Variants in PRIMA1 observed in about 807,000 individuals in gnomAD.
The protein encoded by PRIMA1 is proline-rich membrane anchor 1.
Under a neutral mutation model 17.5 loss-of-function variants are expected in PRIMA1, and 7 were observed. The observed-to-expected ratio is 0.40, with a 90% CI of 0.23 to 0.75. The LOEUF (loss-of-function observed/expected upper bound fraction) is 0.75, where lower values mean the gene tolerates loss of function less well. Ranked by LOEUF, PRIMA1 falls within the 30% of genes least tolerant of loss-of-function variation. The pLI, the probability that PRIMA1 is intolerant of heterozygous loss-of-function variation, is 0.37. For missense variants in PRIMA1, 200 were observed against 201.8 expected (o/e 0.99, Z 0.05); for synonymous variants, 97 against 77.9 (o/e 1.25, Z -1.29).
At chr14:93,763,804 C>T (rs992854325) in intron 3 of PRIMA1, among the ~76,000 whole-genome samples, 1 of 152,088 alleles carries the variant, frequency 6.6e-6, no homozygotes, top group African/African-American at 2.4e-5. Context: ...TCCCGCCCCA[C>T]GCTCTCCCCA....
At chr14:93,785,767 A>G (rs193162859) in intron 2 of PRIMA1, among the ~76,000 whole-genome samples, 49 of 152,252 alleles carry the variant, frequency 3.2e-4, no homozygotes, top group Non-Finnish European at 5.0e-4. Context: ...CCTCAAGCCA[A>G]GATTTTACCC....
Position 93,787,721 on chromosome 14 carries a change from CG to C in PRIMA1, c.-4del. ...AGCACCAAGTCCCGGAGGAGCATCTCGGCCAGCGGCGCCCGCTCCTGGGGCG... is the reference window on the plus strand; with the variant it reads ...AGCACCAAGTCCCGGAGGAGCATCTCGCCAGCGGCGCCCGCTCCTGGGGCG... On this transcript the variant is annotated 5_prime_UTR_variant, in exon 2 of 5. Transcript: ENST00000393140. The C allele has an allele frequency of 1.3e-6, 2 of 1,542,696 alleles. No homozygotes were observed. The highest frequency in any genetic ancestry group is 1.7e-6 in the Non-Finnish European group (2 of 1,146,460).
chr14:93,762,015 T>C (rs891496887), intron 3 of PRIMA1, among the ~76,000 whole-genome samples: 5 of 152,228 alleles, frequency 3.3e-5, no homozygotes, highest in African/African-American at 1.2e-4. Flanking sequence ...ACTCTGACTG[T>C]TGTTCTGTAT....
intron 2 of PRIMA1, among the ~76,000 whole-genome samples, chr14:93,783,393 A>G (rs1885437295): frequency 6.6e-6 from 1 of 152,230 alleles, no homozygotes; most frequent in Non-Finnish European, 1.5e-5. Flanking sequence ...CAGTGGGGAA[A>G]CACAGGATCT....
At chr14:93,781,766 G>A (rs568437981) in intron 2 of PRIMA1, among the ~76,000 whole-genome samples, 8 of 151,342 alleles carry the variant, frequency 5.3e-5, no homozygotes, top group African/African-American at 1.9e-4. Flanking sequence ...CCTGAGGTCA[G>A]GAGTTCGAGA....
At chr14:93,785,176 C>T (rs1885487759) in intron 2 of PRIMA1, among the ~76,000 whole-genome samples, 1 of 119,924 alleles carries the variant, frequency 8.3e-6, no homozygotes, top group African/African-American at 3.2e-5. Context: ...AGCCTGTCAT[C>T]CTCTTCTCTT....
At chr14:93,738,152 G>A (rs1246539103) in intron 3 of PRIMA1, among the ~76,000 whole-genome samples, 2 of 152,182 alleles carry the variant, frequency 1.3e-5, no homozygotes, top group Admixed American at 6.5e-5. Context: ...ACAAGGCACC[G>A]GACACTGGTG....
rs943296413 is a variant in PRIMA1 at position 93,720,786 on chromosome 14, G to A, written c.*658C>T. 2.0e-5 allele frequency: 3 copies of A among 152,458 alleles called. No homozygotes were observed. Among genetic ancestry groups the A allele is most frequent in the African/African-American group, 7.2e-5 (3 of 41,464 alleles). 9.4% of individuals were successfully genotyped at this position (152,458 alleles called of 1,614,324 possible). A position where few individuals can be genotyped will look rare whatever the true frequency, so the allele number is the denominator to read the frequency against. ...TAAACGCACTCCTGTGTCTGCTCAG[G>A]AGGGGATTCTGCAGGCTGGACTCAC... On this transcript the variant is annotated 3_prime_UTR_variant, in exon 5 of 5. Coordinates refer to ENST00000393140, the MANE Select transcript of PRIMA1 (RefSeq NM_178013.4).
At chr14:93,723,607 C>T (rs1032981949) in intron 4 of PRIMA1, among the ~76,000 whole-genome samples, 2 of 152,180 alleles carry the variant, frequency 1.3e-5, no homozygotes, top group African/African-American at 2.4e-5. Context: ...TGGTCAAGCC[C>T]AGCCACCGTG....
chr14:93,771,053 C>A (rs1885044128), intron 3 of PRIMA1, among the ~76,000 whole-genome samples: 2 of 28,940 alleles, frequency 6.9e-5, no homozygotes, highest in Non-Finnish European at 3.3e-4. Flanking sequence ...AAAGTGAGTG[C>A]ATGTATGTGT....
chr14:93,723,106 C>G (rs1046895456), intron 4 of PRIMA1, among the ~76,000 whole-genome samples: 2 of 152,062 alleles, frequency 1.3e-5, no homozygotes, highest in Non-Finnish European at 2.9e-5. Flanking sequence ...GCTCTGGCCC[C>G]CAGCCTGAGT....
chr14:93,768,814 T>TC (rs1403045458), intron 3 of PRIMA1, among the ~76,000 whole-genome samples: 6 of 150,660 alleles, frequency 4.0e-5, no homozygotes, highest in African/African-American at 2.4e-5. Flanking sequence ...TTTTTCTTTT[T>TC]TTTTTTTTTG....
chr14:93,752,421 G>A (rs1053274574), intron 3 of PRIMA1, among the ~76,000 whole-genome samples: 3 of 152,052 alleles, frequency 2.0e-5, no homozygotes, highest in African/African-American at 7.2e-5. Context: ...CCAACCCCAC[G>A]CGGGGCCCCT....
chr14:93,787,881 G>A (rs1885572162), intron 1 of PRIMA1, 132 bp from the exon 2 acceptor site: 1 of 983,638 alleles, frequency 1.0e-6, no homozygotes, highest in South Asian at 1.7e-5. Flanking sequence ...AACCAAGCCT[G>A]CACTTACACT....
intron 4 of PRIMA1, among the ~76,000 whole-genome samples, chr14:93,723,161 T>C (rs537240630): frequency 1.9e-4 from 29 of 152,106 alleles, no homozygotes; most frequent in Non-Finnish European, 3.7e-4. Context: ...TGTAGCCCAA[T>C]TCCATGCCAC....
At chr14:93,787,481 G>A in intron 2 of PRIMA1, 145 bp downstream of exon 2, 1 of 1,156,650 alleles carries the variant, frequency 8.6e-7, no homozygotes, top group South Asian at 1.4e-5. Context: ...GGGTATAGGG[G>A]ACCGTAGCAG....
chr14:93,747,575 T>C (rs1220526474), intron 3 of PRIMA1, among the ~76,000 whole-genome samples: 1 of 150,246 alleles, frequency 6.7e-6, no homozygotes, highest in Non-Finnish European at 1.5e-5. Flanking sequence ...TGGGGGAGTG[T>C]GTGAGTGCAT....
At chr14:93,729,636 G>A (rs983442574) in intron 4 of PRIMA1, among the ~76,000 whole-genome samples, 2 of 152,224 alleles carry the variant, frequency 1.3e-5, no homozygotes, top group African/African-American at 4.8e-5. Context: ...CTTTGGCCCT[G>A]ACTCTGCAGA....
intron 3 of PRIMA1, among the ~76,000 whole-genome samples, chr14:93,773,269 C>T (rs150934598): frequency 6.6e-6 from 1 of 152,224 alleles, no homozygotes; most frequent in East Asian, 1.9e-4. Context: ...AAAACTGAGG[C>T]TCTGAGAGGT....
Sources: gnomAD v4.1 joint callset for allele counts (sites outside exome capture counted in the v4.1 genomes callset) on GRCh38, gnomAD v4.1.1 for gene constraint, MANE v1.5 for transcripts, NCBI Gene and HGNC (gene_info 2026-07-23, HGNC 2026-07-21) for gene names.